The following CERT1 variants were observed in gnomAD, a reference collection of about 807,000 sequenced individuals.
CERT1 encodes ceramide transfer protein.
CERT1 carries 31 observed loss-of-function variants against 87.9 expected under a neutral mutation model. The ratio of observed to expected loss-of-function variants is 0.35; its 90% CI spans 0.27 to 0.48. The LOEUF is 0.48. CERT1 is among the 20% of genes least tolerant of loss of function. The probability of loss-of-function intolerance (pLI) is 0.99; values close to 1 mark genes in which losing one functional copy is unlikely to be tolerated. For missense variants in CERT1, 487 were observed against 758.0 expected (o/e 0.64, Z 4.20); for synonymous variants, 289 against 250.9 (o/e 1.15, Z -1.44).
At position 75,473,266 on chromosome 5, in the gene CERT1, G is replaced by A. The variant is rs180951922; in HGVS notation, c.232-14085C>T. On this transcript the variant is annotated intron_variant, in intron 2 of 16. Transcript: ENST00000643780. ...TAGCTCATTTTTTAAATTTTTTGTAGGGACAGGGTCTTGCTATGCTATGCT... is the reference window on the plus strand; with the variant it reads ...TAGCTCATTTTTTAAATTTTTTGTAAGGACAGGGTCTTGCTATGCTATGCT... 5.3e-5 allele frequency among the ~76,000 whole-genome samples: 8 copies of A among 152,108 alleles called. No homozygotes were observed. In the East Asian group the frequency reaches 1.4e-3, roughly 26 times the overall value.
intron 2 of CERT1, among the ~76,000 whole-genome samples, chr5:75,460,136 GT>G (rs1765165886): frequency 6.6e-6 from 1 of 151,992 alleles, no homozygotes; most frequent in Non-Finnish European, 1.5e-5. Flanking sequence ...GCCAAAATAA[GT>G]TTTAGAGTAG....
chr5:75,460,099 G>A (rs561380868), intron 2 of CERT1, among the ~76,000 whole-genome samples: 3 of 151,624 alleles, frequency 2.0e-5, no homozygotes, highest in South Asian at 2.1e-4. Context: ...CTATTGTGCC[G>A]AGCTAAAAGC....
At chr5:75,479,851 T>C (rs143019992) in intron 2 of CERT1, among the ~76,000 whole-genome samples, 143 of 152,334 alleles carry the variant, frequency 9.4e-4, no homozygotes, top group African/African-American at 3.4e-3. Flanking sequence ...CTTTTAGCTC[T>C]GTGAGGAATC....
chr5:75,371,504 T>C (rs1761083735), intron 17 of CERT1: 1 of 152,184 alleles, frequency 6.6e-6, no homozygotes, highest in Admixed American at 6.5e-5. Context: ...AGAAAACCCA[T>C]TCCTCCTTTT....
intron 2 of CERT1, among the ~76,000 whole-genome samples, chr5:75,499,576 T>C: frequency 6.6e-6 from 1 of 152,206 alleles, no homozygotes; most frequent in East Asian, 1.9e-4. Context: ...CTCTTTTCTT[T>C]ATAAATTACC....
At chr5:75,433,922 A>G (rs1763976414) in intron 3 of CERT1, among the ~76,000 whole-genome samples, 1 of 152,154 alleles carries the variant, frequency 6.6e-6, no homozygotes. Context: ...GAATAGAATA[A>G]TATTTATTAT....
chr5:75,449,586 A>C (rs1475899177), intron 3 of CERT1, among the ~76,000 whole-genome samples: 1 of 152,212 alleles, frequency 6.6e-6, no homozygotes, highest in Non-Finnish European at 1.5e-5. Flanking sequence ...GGGGACCTCT[A>C]GGCTCAGCTT....
At chr5:75,399,860 T>G (rs184808158) in intron 10 of CERT1, among the ~76,000 whole-genome samples, 27 of 152,326 alleles carry the variant, frequency 1.8e-4, no homozygotes, top group Admixed American at 9.2e-4. Context: ...TATTTCCGGC[T>G]GGGCATGGTG....
intron 2 of CERT1, among the ~76,000 whole-genome samples, chr5:75,482,379 C>T (rs1024960457): frequency 1.6e-4 from 24 of 152,178 alleles, no homozygotes; most frequent in Middle Eastern, 3.4e-3. Context: ...CTAGTTCAGC[C>T]CCAGTAAAAT....
chr5:75,374,367 A>C, downstream of CERT1: 1 of 538,950 alleles, frequency 1.9e-6, no homozygotes, highest in Non-Finnish European at 3.3e-6. Context: ...ACAAATTTGA[A>C]CTTATTCCAT....
intron 3 of CERT1, among the ~76,000 whole-genome samples, chr5:75,451,674 G>A (rs1764775110): frequency 6.6e-6 from 1 of 152,104 alleles, no homozygotes. Flanking sequence ...GATTTTAAAT[G>A]GCACAAACCA....
intron 14 of CERT1, among the ~76,000 whole-genome samples, chr5:75,384,214 C>T (rs1761697295): frequency 6.6e-6 from 1 of 152,132 alleles, no homozygotes; most frequent in Admixed American, 6.5e-5. Context: ...TTCAGTATTT[C>T]AGAAGGCTCT....
chr5:75,392,676 A>G (rs555351897), intron 11 of CERT1, among the ~76,000 whole-genome samples: 11 of 152,244 alleles, frequency 7.2e-5, no homozygotes, highest in African/African-American at 2.6e-4. Flanking sequence ...GACATATTAA[A>G]AAGAAGTGGG....
downstream of CERT1, chr5:75,374,374 C>CAACCTTACAAATTTGCTGATGGAATAA (rs1761203890): frequency 7.5e-6 from 4 of 532,658 alleles, no homozygotes; most frequent in Non-Finnish European, 1.3e-5. Context: ...TGAACTTATT[C>CAACCTTACAAATTTGCTGATGGAATAA]CATCAGCAAG....
intron 3 of CERT1, among the ~76,000 whole-genome samples, chr5:75,452,266 T>C (rs536073586): frequency 2.0e-5 from 3 of 152,330 alleles, no homozygotes; most frequent in African/African-American, 7.2e-5. Flanking sequence ...TATATTTTCA[T>C]ATGAATCTTT....
chr5:75,393,623 A>AAAAAAAAAAAAAAAAAAAAAG (rs1762120822), intron 11 of CERT1, among the ~76,000 whole-genome samples: 1 of 145,460 alleles, frequency 6.9e-6, no homozygotes, highest in African/African-American at 2.5e-5. Context: ...AAAAAAAAAA[A>AAAAAAAAAAAAAAAAAAAAAG]GAAAGTCTAG....
At chr5:75,390,067 C>A (rs1232284561) in intron 11 of CERT1, among the ~76,000 whole-genome samples, 2 of 152,122 alleles carry the variant, frequency 1.3e-5, no homozygotes, top group Non-Finnish European at 2.9e-5. Flanking sequence ...CAGAGATCAT[C>A]CAGTCTAATG....
chr5:75,468,137 C>T (rs1052570976), intron 2 of CERT1, among the ~76,000 whole-genome samples: 2 of 152,140 alleles, frequency 1.3e-5, no homozygotes, highest in Non-Finnish European at 2.9e-5. Flanking sequence ...AAGGCAGAGC[C>T]AGATGGAGAA....
chr5:75,440,285 T>C (rs1479301569), intron 3 of CERT1, among the ~76,000 whole-genome samples: 1 of 152,030 alleles, frequency 6.6e-6, no homozygotes. Context: ...CTAATAGTAT[T>C]AAACAGGATT....
Sources: allele counts gnomAD v4.1 joint callset (sites outside exome capture counted in the v4.1 genomes callset), GRCh38; gene constraint gnomAD v4.1.1; transcripts MANE v1.5; gene names NCBI Gene and HGNC (gene_info 2026-07-23, HGNC 2026-07-21).